Variants in ATF7IP2 observed in about 807,000 individuals in gnomAD.
The protein encoded by ATF7IP2 is activating transcription factor 7-interacting protein 2.
Under a neutral mutation model 64.2 loss-of-function variants are expected in ATF7IP2, and 42 were observed. That is an observed-to-expected ratio of 0.65 (90% confidence interval 0.51 to 0.85). The LOEUF is 0.85. Among genes scored for constraint, ATF7IP2 ranks in the 40% least tolerant of loss-of-function variants. The pLI is 0.00. For missense variants in ATF7IP2, 933 were observed against 784.2 expected, an observed-to-expected ratio of 1.19 and a Z score of -2.27; for synonymous variants, 308 against 272.8, an observed-to-expected ratio of 1.13 and a Z score of -1.27.
At chr16:10,419,779 C>T (rs1200652139) in intron 3 of ATF7IP2, among the ~76,000 whole-genome samples, 156 bp downstream of exon 3, 1 of 152,110 alleles carries the variant, frequency 6.6e-6, no homozygotes, top group Non-Finnish European at 1.5e-5. Flanking sequence ...CTCAGTGGCA[C>T]CCAAATTGGC....
intron 6 of ATF7IP2, 100 bp downstream of exon 6, chr16:10,433,749 T>C (rs1162781134): frequency 2.2e-6 from 3 of 1,362,976 alleles, no homozygotes; most frequent in Non-Finnish European, 3.1e-6. Flanking sequence ...CAGACGACTT[T>C]CACTTGCTGC....
chr16:10,422,502 T>C (rs1182718096), intron 3 of ATF7IP2, among the ~76,000 whole-genome samples: 2 of 152,234 alleles, frequency 1.3e-5, no homozygotes, highest in Admixed American at 6.5e-5. Flanking sequence ...ATTGGTTGAA[T>C]AGTCCCAGGT....
intron 1 of ATF7IP2, chr16:10,387,824 T>TCCCCCCCC (rs5815573): frequency 6.7e-4 from 88 of 130,646 alleles, no homozygotes; most frequent in Admixed American, 9.9e-4. Context: ...TCTATTTTAC[T>TCCCCCCCC]CCCCCCCCCT....
chr16:10,468,987 G>A (rs1334342360), intron 9 of ATF7IP2, among the ~76,000 whole-genome samples: 4 of 152,126 alleles, frequency 2.6e-5, no homozygotes, highest in African/African-American at 7.2e-5. Context: ...AAGCTTCAAA[G>A]GAATCAGGCT....
chr16:10,465,005 T>G (rs1277286809), intron 9 of ATF7IP2, among the ~76,000 whole-genome samples: 1 of 152,162 alleles, frequency 6.6e-6, no homozygotes, highest in Admixed American at 6.5e-5. Context: ...TAATTTTGTG[T>G]TTTTAGTAGA....
chr16:10,392,227 T>C (rs1479696959), intron 1 of ATF7IP2, among the ~76,000 whole-genome samples: 1 of 151,778 alleles, frequency 6.6e-6, no homozygotes, highest in Non-Finnish European at 1.5e-5. Flanking sequence ...TTAGTAGAAA[T>C]GGGGTTTCGC....
rs2050286579 is a variant in ATF7IP2 at position 10,482,841 on chromosome 16, C to T, written c.*592C>T. 1 of 152,238 alleles carries T rather than the reference C, an allele frequency of 6.6e-6. No individual in the cohort carries two copies. Among genetic ancestry groups the T allele is most frequent in the African/African-American group, 2.4e-5 (1 of 41,450 alleles). 9.4% of individuals were successfully genotyped at this position (152,238 alleles called of 1,614,324 possible). A position where few individuals can be genotyped will look rare whatever the true frequency, so the allele number is the denominator to read the frequency against. On this transcript the variant is annotated 3_prime_UTR_variant, in exon 14 of 14. Transcript: ENST00000562102. ...CAAGCAATTCTCCTATGTCAGCCTCCCAAGTAGCTGGGACTATAGTCACTT... is the reference window on the plus strand; with the variant it reads ...CAAGCAATTCTCCTATGTCAGCCTCTCAAGTAGCTGGGACTATAGTCACTT...
chr16:10,434,505 C>T (rs2048355281), intron 6 of ATF7IP2, among the ~76,000 whole-genome samples: 2 of 152,114 alleles, frequency 1.3e-5, no homozygotes, highest in African/African-American at 4.8e-5. Context: ...GTTACATATA[C>T]TATGAATGTG....
chr16:10,473,352 G>T, intron 10 of ATF7IP2, 127 bp from the exon 11 acceptor site: 1 of 603,212 alleles, frequency 1.7e-6, no homozygotes, highest in East Asian at 3.1e-5. Flanking sequence ...AAAGTCAATT[G>T]AGTTACTTTT....
chr16:10,438,351 C>T (rs966396222), intron 7 of ATF7IP2, 116 bp downstream of exon 7: 1 of 1,087,640 alleles, frequency 9.2e-7, no homozygotes. Context: ...CTCAAGCAAT[C>T]CTACCACCTC....
chr16:10,423,251 A>C (rs1355400130), intron 3 of ATF7IP2, among the ~76,000 whole-genome samples: 1 of 152,134 alleles, frequency 6.6e-6, no homozygotes, highest in Admixed American at 6.5e-5. Flanking sequence ...CAAATAAATA[A>C]ATAAATAAAT....
At chr16:10,393,009 T>G (rs1310113449) in intron 1 of ATF7IP2, among the ~76,000 whole-genome samples, 2 of 151,494 alleles carry the variant, frequency 1.3e-5, no homozygotes, top group African/African-American at 4.9e-5. Flanking sequence ...AAAATGAAGT[T>G]TTAAAAATGA....
chr16:10,425,598 A>G (rs1394359372), intron 3 of ATF7IP2, among the ~76,000 whole-genome samples: 1 of 152,166 alleles, frequency 6.6e-6, no homozygotes, highest in African/African-American at 2.4e-5. Context: ...ATTGATACAA[A>G]AATGTTAAAA....
intron 9 of ATF7IP2, 182 bp from the exon 10 acceptor site, chr16:10,471,928 C>T (rs540310257): frequency 5.3e-5 from 22 of 412,856 alleles, no homozygotes; most frequent in African/African-American, 3.5e-4. Flanking sequence ...AGTCATATAA[C>T]GGAACTGGTA....
At chr16:10,405,692 A>G (rs1418977779) in intron 1 of ATF7IP2, among the ~76,000 whole-genome samples, 1 of 152,152 alleles carries the variant, frequency 6.6e-6, no homozygotes. Flanking sequence ...GCAGCAAGCC[A>G]TACCACCTAG....
chr16:10,466,043 A>T (rs2049557922), intron 9 of ATF7IP2, among the ~76,000 whole-genome samples: 1 of 152,180 alleles, frequency 6.6e-6, no homozygotes, highest in African/African-American at 2.4e-5. Flanking sequence ...CTGTTCTCCT[A>T]GTCATCAGTC....
chr16:10,454,447 T>G (rs2049101028), intron 8 of ATF7IP2: 1 of 148,216 alleles, frequency 6.7e-6, no homozygotes, highest in South Asian at 2.2e-4. Flanking sequence ...AATTCACTTG[T>G]CCTTTTAATG....
At chr16:10,468,678 T>C (rs756261709) in intron 9 of ATF7IP2, among the ~76,000 whole-genome samples, 4 of 152,178 alleles carry the variant, frequency 2.6e-5, no homozygotes, top group Non-Finnish European at 5.9e-5. Context: ...GCTCTGAAGA[T>C]CTGCAAAGGG....
intron 1 of ATF7IP2, among the ~76,000 whole-genome samples, chr16:10,399,559 A>G (rs1206594438): frequency 6.6e-6 from 1 of 152,186 alleles, no homozygotes; most frequent in East Asian, 1.9e-4. Flanking sequence ...ATTTCTATAC[A>G]TTACTATGCT....
Sources: gnomAD v4.1 joint callset for allele counts (sites outside exome capture counted in the v4.1 genomes callset) on GRCh38, gnomAD v4.1.1 for gene constraint, MANE v1.5 for transcripts, NCBI Gene and HGNC (gene_info 2026-07-23, HGNC 2026-07-21) for gene names.